The following ESR1 variants were observed in gnomAD, a reference collection of about 807,000 sequenced individuals.
ESR1 encodes estrogen receptor.
Under a neutral mutation model 52.7 loss-of-function variants are expected in ESR1, and 12 were observed. The observed-to-expected ratio is 0.23, with a 90% confidence interval of 0.15 to 0.37. The LOEUF is 0.37. Among genes scored for constraint, ESR1 ranks in the 10% least tolerant of loss-of-function variants. ESR1 has a pLI of 1.00. For missense variants in ESR1, 584 were observed against 779.7 expected (o/e 0.75, Z 2.99); for synonymous variants, 305 against 316.8 (o/e 0.96, Z 0.39).
chr6:151,706,897 G>A (rs974323877), intron 2 of ESR1, among the ~76,000 whole-genome samples: 6 of 152,192 alleles, frequency 3.9e-5, no homozygotes, highest in African/African-American at 1.4e-4. Context: ...CTCTCTGAGA[G>A]CTGCCTACTG....
At chr6:152,129,482 C>A (rs999628327) in exon 7 of ESR1, 7 of 151,926 alleles carry the variant, frequency 4.6e-5, no homozygotes, top group Non-Finnish European at 8.8e-5. Context: ...AGAGCATCTG[C>A]GGATGCTCGT....
intron 4 of ESR1, among the ~76,000 whole-genome samples, chr6:151,977,223 A>C (rs915801605): frequency 8.5e-5 from 13 of 152,146 alleles, no homozygotes; most frequent in African/African-American, 3.1e-4. Context: ...AATCCAGCCA[A>C]AGATTCCCAC....
chr6:151,829,836 G>C (rs1346275166), intron 1 of ESR1, among the ~76,000 whole-genome samples: 1 of 152,196 alleles, frequency 6.6e-6, no homozygotes, highest in Non-Finnish European at 1.5e-5. Context: ...GCAGCTTTCT[G>C]TTCAGAACTT....
intron 2 of ESR1, among the ~76,000 whole-genome samples, chr6:151,863,721 C>A (rs555358375): frequency 3.5e-4 from 54 of 152,164 alleles, no homozygotes; most frequent in Non-Finnish European, 6.6e-4. Flanking sequence ...AGATATAGAC[C>A]AATGGAACAG....
At chr6:151,685,825 A>G (rs961444338), upstream of ESR1, among the ~76,000 whole-genome samples, 9 of 152,182 alleles carry the variant, frequency 5.9e-5, no homozygotes, top group African/African-American at 1.9e-4. Flanking sequence ...CTTTATATAT[A>G]TGTGTGTATA....
At chr6:151,972,974 T>C (rs2039067054) in intron 4 of ESR1, among the ~76,000 whole-genome samples, 1 of 152,218 alleles carries the variant, frequency 6.6e-6, no homozygotes. Context: ...ACCAGTCTAG[T>C]CTTTCCATGT....
At chr6:152,031,677 C>G (rs6557185) in intron 5 of ESR1, among the ~76,000 whole-genome samples, 66,909 of 151,984 alleles carry the variant, frequency 0.44, 16,675 homozygotes, top group African/African-American at 0.67. Flanking sequence ...AAGTCCAGGA[C>G]CAGACGGATT....
intron 3 of ESR1, among the ~76,000 whole-genome samples, chr6:151,901,101 C>T (rs767230885): frequency 5.3e-5 from 8 of 152,096 alleles, no homozygotes; most frequent in African/African-American, 1.7e-4. Flanking sequence ...AGACTCTCCT[C>T]GGGTGAGTCT....
intron 2 of ESR1, among the ~76,000 whole-genome samples, chr6:151,759,756 G>A (rs903654469): frequency 6.6e-6 from 1 of 152,020 alleles, no homozygotes; most frequent in Non-Finnish European, 1.5e-5. Flanking sequence ...ATATTTTTGC[G>A]GATGTATATC....
chr6:151,805,529 CCT>C (rs1042146611), upstream of ESR1: 1 of 152,846 alleles, frequency 6.5e-6, no homozygotes, highest in African/African-American at 2.4e-5. Context: ...CACACTGCTC[CCT>C]GTGAGCAGAC....
chr6:151,866,816 G>T (rs527767991), intron 2 of ESR1, among the ~76,000 whole-genome samples: 1 of 152,302 alleles, frequency 6.6e-6, no homozygotes, highest in African/African-American at 2.4e-5. Flanking sequence ...AGAATAGAAT[G>T]ATTTATAATC....
At chr6:151,818,688 T>G (rs986032658) in intron 1 of ESR1, among the ~76,000 whole-genome samples, 13 of 152,100 alleles carry the variant, frequency 8.5e-5, no homozygotes, top group African/African-American at 3.1e-4. Flanking sequence ...CTACACAGGG[T>G]CAGTTTTCTC....
chr6:151,858,616 A>G (rs1788319482), intron 2 of ESR1, among the ~76,000 whole-genome samples: 2 of 150,258 alleles, frequency 1.3e-5, no homozygotes, highest in African/African-American at 4.9e-5. Flanking sequence ...TTTATCTGTG[A>G]ATTAAAATAG....
chr6:152,054,011 G>C (rs138554346), intron 5 of ESR1, among the ~76,000 whole-genome samples: 2 of 151,872 alleles, frequency 1.3e-5, no homozygotes, highest in African/African-American at 4.8e-5. Context: ...GAAATACCAG[G>C]CACTCATTTA....
intron 2 of ESR1, among the ~76,000 whole-genome samples, chr6:151,741,030 C>T (rs1783055354): frequency 6.6e-6 from 1 of 152,138 alleles, no homozygotes; most frequent in Admixed American, 6.6e-5. Context: ...TCCTGGCCAG[C>T]CAGCTTCCTT....
chr6:151,772,196 G>A (rs975336036), intron 2 of ESR1, among the ~76,000 whole-genome samples: 5 of 152,168 alleles, frequency 3.3e-5, no homozygotes, highest in African/African-American at 9.6e-5. Context: ...ATTGGAACAG[G>A]AATGGAGATT....
At chr6:151,769,853 G>A (rs994625376) in intron 2 of ESR1, among the ~76,000 whole-genome samples, 2 of 152,050 alleles carry the variant, frequency 1.3e-5, no homozygotes, top group African/African-American at 4.8e-5. Flanking sequence ...TGGCATAATG[G>A]TATATGGAAG....
At position 151,889,666 on chromosome 6, in the gene ESR1, C is replaced by T. The variant is rs191854676; in HGVS notation, c.760+8895C>T. ...GTCTCAATTTTATTTATTTTTCCTC[C>T]GATCTTTATTATTTTCTTCCTTCTA... On this transcript the variant is annotated intron_variant, in intron 3 of 7. Coordinates refer to ENST00000206249, the MANE Select transcript of ESR1 (RefSeq NM_000125.4). 1.5e-4 allele frequency among the ~76,000 whole-genome samples: 23 copies of T among 151,942 alleles called. No homozygotes were observed. In the East Asian group the frequency reaches 3.9e-3, roughly 26 times the overall value.
At chr6:151,793,465 T>G (rs1467019720) in intron 2 of ESR1, among the ~76,000 whole-genome samples, 3 of 152,126 alleles carry the variant, frequency 2.0e-5, no homozygotes, top group African/African-American at 7.2e-5. Flanking sequence ...AAAACTGTAG[T>G]AAAGTAAATA....
Sources: allele counts gnomAD v4.1 joint callset (sites outside exome capture counted in the v4.1 genomes callset), GRCh38; gene constraint gnomAD v4.1.1; transcripts MANE v1.5; gene names NCBI Gene and HGNC (gene_info 2026-07-23, HGNC 2026-07-21).